Variants in SH3D19 observed in about 807,000 individuals in gnomAD.
SH3D19 encodes the protein SH3 domain-containing protein 19.
A neutral mutation model predicts 112.1 loss-of-function variants in SH3D19; 58 were observed. The observed-to-expected ratio is 0.52, with a 90% CI of 0.42 to 0.64. SH3D19 has a LOEUF of 0.64. Among genes scored for constraint, SH3D19 ranks in the 30% least tolerant of loss-of-function variants. The pLI is 0.00. For synonymous variants in SH3D19, 391 were observed against 448.5 expected, an observed-to-expected ratio of 0.87 and a Z score of 1.62; for missense variants, 1,090 against 1,263.4, an observed-to-expected ratio of 0.86 and a Z score of 2.08.
intron 2 of SH3D19, among the ~76,000 whole-genome samples, chr4:151,224,208 C>G (rs1331534556): frequency 1.3e-5 from 2 of 152,020 alleles, no homozygotes; most frequent in East Asian, 3.9e-4. Flanking sequence ...ACTCGGGAGG[C>G]TGAGGCAGGA....
rs1047520311 is a variant in SH3D19 at position 151,175,679 on chromosome 4, C to G, written c.530-5G>C. On this transcript the variant is annotated splice_region_variant and splice_polypyrimidine_tract_variant and intron_variant, in intron 6 of 19. Coordinates refer to ENST00000604030, the MANE Select transcript of SH3D19 (RefSeq NM_001378122.1). ...GCTTGAGAGGTGCCTGTAGTGCTGACGAGACCAAAACAAAACCAAAACAAA... is the reference window on the plus strand; with the variant it reads ...GCTTGAGAGGTGCCTGTAGTGCTGAGGAGACCAAAACAAAACCAAAACAAA... The G allele has an allele frequency of 8.0e-7, 1 of 1,246,378 alleles. No individual in the cohort carries two copies. Among genetic ancestry groups the G allele is most frequent in the Non-Finnish European group, 1.0e-6 (1 of 997,066 alleles). 77.2% of individuals were successfully genotyped at this position (1,246,378 alleles called of 1,614,324 possible). A position where few individuals can be genotyped will look rare whatever the true frequency, so the allele number is the denominator to read the frequency against.
In SH3D19 at chr4:151,323,948, G is replaced by C. The variant is rs545656267; in HGVS notation, c.112+1293C>G. On this transcript the variant is annotated intron_variant, in intron 1 of 19. Coordinates refer to ENST00000604030, the MANE Select transcript of SH3D19 (RefSeq NM_001378122.1). ...TTTAAATCCATAGGTCAGGCATGGCGGTATATCTTTGTAAAGTTTTTTCAT... is the reference window on the plus strand; with the variant it reads ...TTTAAATCCATAGGTCAGGCATGGCCGTATATCTTTGTAAAGTTTTTTCAT... Among the ~76,000 whole-genome samples the C allele has an allele frequency of 9.2e-5, 14 of 152,212 alleles. No individual in the cohort carries two copies. In the East Asian group the frequency reaches 2.5e-3, roughly 27 times the overall value.
intron 1 of SH3D19, among the ~76,000 whole-genome samples, chr4:151,292,003 G>GA (rs201548323): frequency 6.0e-5 from 9 of 150,726 alleles, no homozygotes; most frequent in Middle Eastern, 6.9e-3. Flanking sequence ...AAAAAAAGAA[G>GA]AAAAAAAAAG....
chr4:151,179,209 A>C lies in SH3D19; in HGVS notation c.236+146T>G, dbSNP rs982356770. The stretch of plus-strand genomic sequence containing the variant: ...TCAAGCAAAATCATCTTTCAAACTT[A>C]TAAGTTAATTCAGGAGATATATTGA... On this transcript the variant is annotated intron_variant, in intron 4 of 19. Transcript: ENST00000604030. The C allele has an allele frequency of 1.8e-5, 8 of 435,694 alleles. No individual in the cohort carries two copies. In the South Asian group the frequency reaches 3.8e-4, roughly 21 times the overall value. 27.0% of individuals were successfully genotyped at this position (435,694 alleles called of 1,614,324 possible).
intron 11 of SH3D19, chr4:151,144,372 T>C: frequency 7.7e-7 from 1 of 1,295,552 alleles, no homozygotes; most frequent in South Asian, 1.2e-5. Flanking sequence ...TTGGCATGTG[T>C]GTGCCTAAAG....
At chr4:151,153,309 G>A (rs542295007) in intron 9 of SH3D19, among the ~76,000 whole-genome samples, 12 of 151,204 alleles carry the variant, frequency 7.9e-5, no homozygotes, top group South Asian at 6.3e-4. Context: ...GTACAGTGGC[G>A]CGATCTCGGC....
chr4:151,149,769 C>T (rs1016356137), intron 9 of SH3D19, among the ~76,000 whole-genome samples: 8 of 152,136 alleles, frequency 5.3e-5, no homozygotes, highest in African/African-American at 1.9e-4. Context: ...AAAACACTGA[C>T]AGGAAGAAAC....
intron 9 of SH3D19, among the ~76,000 whole-genome samples, chr4:151,154,423 T>C (rs1456321633): frequency 6.8e-6 from 1 of 146,058 alleles, no homozygotes; most frequent in Non-Finnish European, 1.5e-5. Flanking sequence ...CTTGAACCAT[T>C]GCGCCCGGCC....
intron 16 of SH3D19, among the ~76,000 whole-genome samples, chr4:151,132,799 C>A (rs1386183741): frequency 6.6e-6 from 1 of 152,156 alleles, no homozygotes; most frequent in African/African-American, 2.4e-5. Context: ...TCATACCCAG[C>A]CTCTTTGCCA....
intron 1 of SH3D19, among the ~76,000 whole-genome samples, chr4:151,232,373 G>T (rs1769679144): frequency 2.2e-5 from 1 of 45,664 alleles, no homozygotes; most frequent in Admixed American, 2.6e-4. Flanking sequence ...ATAAATCTAG[G>T]CCTCAGAAAA....
At chr4:151,250,904 C>T (rs2149977322) in intron 1 of SH3D19, among the ~76,000 whole-genome samples, 1 of 152,266 alleles carries the variant, frequency 6.6e-6, no homozygotes, top group African/African-American at 2.4e-5. Context: ...GAGGATCAGT[C>T]AACAAAGACT....
chr4:151,267,967 A>C (rs1386480920), intron 1 of SH3D19, among the ~76,000 whole-genome samples: 1 of 152,228 alleles, frequency 6.6e-6, no homozygotes, highest in Non-Finnish European at 1.5e-5. Flanking sequence ...AAGGTTGTCC[A>C]AGGCTTGGCC....
intron 9 of SH3D19, among the ~76,000 whole-genome samples, chr4:151,155,731 C>CA (rs933764363): frequency 7.9e-5 from 12 of 151,632 alleles, no homozygotes; most frequent in Non-Finnish European, 1.2e-4. Context: ...ACTAAAAATA[C>CA]AAAAAAAATT....
intron 19 of SH3D19, among the ~76,000 whole-genome samples, chr4:151,122,545 T>A (rs1344062593): frequency 1.5e-5 from 2 of 129,532 alleles, no homozygotes; most frequent in African/African-American, 5.2e-5. Context: ...ACACGATTAT[T>A]TATTGAGTAC....
chr4:151,313,493 T>C (rs1389336150), intron 1 of SH3D19, among the ~76,000 whole-genome samples: 1 of 152,114 alleles, frequency 6.6e-6, no homozygotes, highest in Non-Finnish European at 1.5e-5. Flanking sequence ...CATGACTCAC[T>C]GCAGCCTCAA....
At chr4:151,303,089 T>C (rs750114957) in intron 1 of SH3D19, among the ~76,000 whole-genome samples, 7 of 152,180 alleles carry the variant, frequency 4.6e-5, no homozygotes, top group Non-Finnish European at 8.8e-5. Flanking sequence ...GGTCACAAGA[T>C]GGAGATGAAA....
rs1237271298 is a variant in SH3D19 at position 151,232,559 on chromosome 4, T to C, written c.113-6473A>G. 3.3e-5 allele frequency among the ~76,000 whole-genome samples: 5 copies of C among 152,198 alleles called. No homozygotes were observed. In the East Asian group the frequency reaches 9.6e-4, roughly 29 times the overall value. Reference sequence around the variant, plus strand: ...GCATCATAGTGACTGTACAAGTCACTTAACCTCCCTAAGCCTCAGTTTTCT... The same window carrying C: ...GCATCATAGTGACTGTACAAGTCACCTAACCTCCCTAAGCCTCAGTTTTCT... On this transcript the variant is annotated intron_variant, in intron 1 of 19. Transcript: ENST00000604030.
chr4:151,156,436 G>A lies in SH3D19; in HGVS notation c.1755+2804C>T, dbSNP rs147965304. 7.9e-5 allele frequency among the ~76,000 whole-genome samples: 12 copies of A among 152,274 alleles called. No individual in the cohort carries two copies. The East Asian group carries it at 2.3e-3, about 29-fold the overall frequency. On this transcript the variant is annotated intron_variant, in intron 9 of 19. Coordinates refer to ENST00000604030, the MANE Select transcript of SH3D19 (RefSeq NM_001378122.1). The stretch of plus-strand genomic sequence containing the variant: ...ACTTTAAAATACACTACACAAAGAT[G>A]TAGTAGCAAAAACAGCATGGACCTA...
At chr4:151,313,437 G>A (rs111510298) in intron 1 of SH3D19, among the ~76,000 whole-genome samples, 1 of 141,224 alleles carries the variant, frequency 7.1e-6, no homozygotes, top group Non-Finnish European at 1.6e-5. Context: ...TTATTTTAGA[G>A]ATAAGGTCTC....
Sources: gnomAD v4.1 joint callset for allele counts (sites outside exome capture counted in the v4.1 genomes callset) on GRCh38, gnomAD v4.1.1 for gene constraint, MANE v1.5 for transcripts, NCBI Gene and HGNC (gene_info 2026-07-23, HGNC 2026-07-21) for gene names.